OTUD3: variants seen among roughly 807,000 people sequenced by gnomAD.
The protein encoded by OTUD3 is OTU domain-containing protein 3.
In OTUD3, 24 loss-of-function variants were observed where a neutral mutation model predicts 46.2. The observed-to-expected ratio is 0.52, with a 90% CI of 0.38 to 0.73. The LOEUF is 0.73. OTUD3 is among the 30% of genes least tolerant of loss of function. The pLI is 0.00. For missense variants in OTUD3, 455 were observed against 523.3 expected (o/e 0.87, Z 1.27); for synonymous variants, 189 against 195.4 (o/e 0.97, Z 0.27).
At chr1:19,893,907 C>T (rs1204567929) in intron 2 of OTUD3, among the ~76,000 whole-genome samples, 2 of 152,236 alleles carry the variant, frequency 1.3e-5, no homozygotes, top group African/African-American at 4.8e-5. Flanking sequence ...AACCTCAGCT[C>T]CACTGTGTAC....
In OTUD3 at chr1:19,902,407, G is replaced by A. The variant is rs557670756; in HGVS notation, c.607-1860G>A. On this transcript the variant is annotated intron_variant, in intron 4 of 7. Coordinates refer to ENST00000375120, the MANE Select transcript of OTUD3 (RefSeq NM_015207.2). Reference sequence around the variant, plus strand: ...TTTTTAGTGGAGACAGGGTTTCATCGTGTTAGCCAGGATGGTCTCGATCTC... The same window carrying A: ...TTTTTAGTGGAGACAGGGTTTCATCATGTTAGCCAGGATGGTCTCGATCTC... 5.9e-5 allele frequency among the ~76,000 whole-genome samples: 9 copies of A among 152,184 alleles called. No individual in the cohort carries two copies. The East Asian group carries it at 7.7e-4, about 13-fold the overall frequency.
In OTUD3 at chr1:19,911,166, C is replaced by T. The variant is rs1319082355; in HGVS notation, c.*3420C>T. 1 of 152,206 alleles carries T rather than the reference C, an allele frequency of 6.6e-6. No homozygotes were observed. The allele number at this position is 152,206 out of a possible 1,614,324, so 9.4% of individuals were successfully genotyped here. On this transcript the variant is annotated 3_prime_UTR_variant, in exon 8 of 8. Coordinates refer to ENST00000375120, the MANE Select transcript of OTUD3 (RefSeq NM_015207.2). ...TGCGTCAGTGGCCCTCTTCGACTCC[C>T]GTTTTGGGTAGATGCGTAGCTCTTC...
chr1:19,890,718 T>C (rs1413137912), intron 2 of OTUD3, among the ~76,000 whole-genome samples, 185 bp downstream of exon 2: 1 of 152,234 alleles, frequency 6.6e-6, no homozygotes, highest in African/African-American at 2.4e-5. Flanking sequence ...ATCAGTAGGT[T>C]TAGCTGTATA....
chr1:19,902,999 C>T (rs2045610610), intron 4 of OTUD3, among the ~76,000 whole-genome samples: 1 of 148,186 alleles, frequency 6.7e-6, no homozygotes, highest in Non-Finnish European at 1.5e-5. Context: ...TTATTCACCA[C>T]TATAAGTAAC....
intron 4 of OTUD3, among the ~76,000 whole-genome samples, chr1:19,903,299 C>T (rs545040285): frequency 3.1e-4 from 47 of 152,032 alleles, no homozygotes; most frequent in Middle Eastern, 3.4e-3. Context: ...TGACCCACCC[C>T]CATCAGCCTC....
intron 1 of OTUD3, among the ~76,000 whole-genome samples, chr1:19,884,433 T>G (rs1187256391): frequency 6.6e-6 from 1 of 152,168 alleles, no homozygotes; most frequent in African/African-American, 2.4e-5. Flanking sequence ...CAGCACACCT[T>G]AAGTAGGGTG....
rs1234386157 is a variant in OTUD3 at position 19,912,321 on chromosome 1, C to A, written c.*4575C>A. 2 of 152,358 alleles carry A rather than the reference C, an allele frequency of 1.3e-5. No individual in the cohort carries two copies. Among genetic ancestry groups the A allele is most frequent in the African/African-American group, 4.8e-5 (2 of 41,436 alleles). 9.4% of individuals were successfully genotyped at this position (152,358 alleles called of 1,614,324 possible). ...CTGGCGGTTTGATCCCTGGCAGGTCCCTCGAGCAGTACTGGTAAGAGGCTT... is the reference window on the plus strand; with the variant it reads ...CTGGCGGTTTGATCCCTGGCAGGTCACTCGAGCAGTACTGGTAAGAGGCTT... On this transcript the variant is annotated 3_prime_UTR_variant, in exon 8 of 8. Transcript: ENST00000375120.
chr1:19,897,544 G>C lies in OTUD3; in HGVS notation c.488G>C (p.Arg163Pro), dbSNP rs764047355. Residue 163 changes from arginine to proline, a missense_variant, in exon 4 of 8, where the codon CGT becomes CCT. Transcript: ENST00000375120. ...HQLNAPLWQI[R>P]GTEKSSVREL... Reference sequence around the variant, plus strand: ...GGCCCCTTCTTTTGTCTACAGATTCGTGGTACAGAGAAAAGCAGCGTGAGG... The same window carrying C: ...GGCCCCTTCTTTTGTCTACAGATTCCTGGTACAGAGAAAAGCAGCGTGAGG... The C allele has an allele frequency of 6.2e-7, 1 of 1,613,832 alleles. No individual in the cohort carries two copies.
At position 19,903,880 on chromosome 1, in the gene OTUD3, C is replaced by T. The variant is rs551015716; in HGVS notation, c.607-387C>T. Among the ~76,000 whole-genome samples the T allele has an allele frequency of 7.2e-5, 11 of 152,272 alleles. No homozygotes were observed. In the East Asian group the frequency reaches 9.6e-4, roughly 13 times the overall value. On this transcript the variant is annotated intron_variant, in intron 4 of 7. Coordinates refer to ENST00000375120, the MANE Select transcript of OTUD3 (RefSeq NM_015207.2). ...ATGTAGGTTTCTTCAAGACCAGCACCGTTTTTGTGCAAAAGTTCACCAGGT... is the reference window on the plus strand; with the variant it reads ...ATGTAGGTTTCTTCAAGACCAGCACTGTTTTTGTGCAAAAGTTCACCAGGT...
chr1:19,905,069 C>T, intron 6 of OTUD3, 82 bp downstream of exon 6: 1 of 781,622 alleles, frequency 1.3e-6, no homozygotes, highest in Non-Finnish European at 2.2e-6. Flanking sequence ...AACCAAGTCA[C>T]AGGTGGTAAC....
In OTUD3 at chr1:19,882,443, C is replaced by A; in HGVS notation, c.-71C>A. On this transcript the variant is annotated 5_prime_UTR_variant, in exon 1 of 8. Transcript: ENST00000375120. The stretch of plus-strand genomic sequence containing the variant: ...CGTTGCCCGCGCTGTTTTACCTTCC[C>A]AACGCTTGAGGCGGACGCTGGGGGG... The A allele has an allele frequency of 7.6e-7, 1 of 1,315,710 alleles. No homozygotes were observed. Among genetic ancestry groups the A allele is most frequent in the South Asian group, 2.2e-5 (1 of 45,708 alleles). 81.5% of individuals were successfully genotyped at this position (1,315,710 alleles called of 1,614,324 possible).
At chr1:19,883,484 G>A (rs1186660952) in intron 1 of OTUD3, among the ~76,000 whole-genome samples, 1 of 152,192 alleles carries the variant, frequency 6.6e-6, no homozygotes, top group Non-Finnish European at 1.5e-5. Flanking sequence ...CATTGCAGGG[G>A]CAGGTAAAAA....
At chr1:19,894,275 CTTA>C in intron 2 of OTUD3, 90 bp from the exon 3 acceptor site, 1 of 674,304 alleles carries the variant, frequency 1.5e-6, no homozygotes, top group South Asian at 2.1e-5. Flanking sequence ...ATCGTTGTTT[CTTA>C]TTATTTGGAA....
chr1:19,896,920 G>A (rs766106948), intron 3 of OTUD3, among the ~76,000 whole-genome samples: 1 of 152,140 alleles, frequency 6.6e-6, no homozygotes. Context: ...ACTACTTTAT[G>A]TAATTTTGTT....
intron 4 of OTUD3, among the ~76,000 whole-genome samples, chr1:19,902,123 C>A (rs373393582): frequency 6.6e-6 from 1 of 152,194 alleles, no homozygotes; most frequent in Non-Finnish European, 1.5e-5. Context: ...GTTTTACTTG[C>A]CACCGGTAAT....
At chr1:19,887,141 A>G (rs150715637) in intron 1 of OTUD3, among the ~76,000 whole-genome samples, 7,263 of 148,436 alleles carry the variant, frequency 0.049, 264 homozygotes, top group Non-Finnish European at 0.076. Context: ...CTGGAGTGCA[A>G]TGGCACGATC....
At chr1:19,885,115 C>T (rs7518994) in intron 1 of OTUD3, among the ~76,000 whole-genome samples, 33,186 of 152,030 alleles carry the variant, frequency 0.22, 3,895 homozygotes, top group Non-Finnish European at 0.28. Flanking sequence ...TTTGGGAGAT[C>T]TACAGGTTGT....
chr1:19,907,279 T>C (rs1319368751), intron 7 of OTUD3, among the ~76,000 whole-genome samples: 1 of 152,176 alleles, frequency 6.6e-6, no homozygotes, highest in African/African-American at 2.4e-5. Flanking sequence ...TTAAATTATG[T>C]GGGGAAAAAT....
intron 2 of OTUD3, 31 bp downstream of exon 2, chr1:19,890,564 A>G: frequency 6.2e-7 from 1 of 1,604,404 alleles, no homozygotes; most frequent in Non-Finnish European, 8.5e-7. Context: ...TGTGTCCTTC[A>G]GGAGTAATGC....
Sources: allele counts gnomAD v4.1 joint callset (sites outside exome capture counted in the v4.1 genomes callset), GRCh38; gene constraint gnomAD v4.1.1; transcripts MANE v1.5; gene names NCBI Gene and HGNC (gene_info 2026-07-23, HGNC 2026-07-21).